SASH1: variants seen among roughly 807,000 people sequenced by gnomAD.
SASH1 encodes SAM and SH3 domain containing 1.
A neutral mutation model predicts 125.2 loss-of-function variants in SASH1; 44 were observed. That is an observed-to-expected ratio of 0.35 (90% CI 0.28 to 0.45). The LOEUF (loss-of-function observed/expected upper bound fraction) is 0.45, where lower values mean the gene tolerates loss of function less well. Among genes scored for constraint, SASH1 ranks in the 20% least tolerant of loss-of-function variants. SASH1 has a pLI of 1.00. For synonymous variants in SASH1, 639 were observed against 649.1 expected, an observed-to-expected ratio of 0.98 and a Z score of 0.24; for missense variants, 1,426 against 1,614.5, an observed-to-expected ratio of 0.88 and a Z score of 2.00.
intron 8 of SASH1, chr6:148,513,963 C>G: frequency 1.0e-6 from 1 of 1,000,250 alleles, no homozygotes; most frequent in Non-Finnish European, 1.2e-6. Flanking sequence ...AGAGCCTGGC[C>G]CAAACCACAG....
chr6:148,418,717 A>G lies in SASH1; in HGVS notation c.286-21467A>G, dbSNP rs184922796. On this transcript the variant is annotated intron_variant, in intron 2 of 19. Transcript: ENST00000367467. ...AACCGATAGCCTGTGCCCAGGGTAC[A>G]CTGAAGTCTGAGTACAGATAGCGTG... 1.0e-3 allele frequency among the ~76,000 whole-genome samples: 154 copies of G among 152,348 alleles called. 2 individuals carry two copies. Among genetic ancestry groups the G allele is most frequent in the Non-Finnish European group, 2.9e-5 (2 of 68,036 alleles).
chr6:148,378,509 C>A (rs1286958308), intron 1 of SASH1, among the ~76,000 whole-genome samples: 1 of 152,190 alleles, frequency 6.6e-6, no homozygotes, highest in East Asian at 1.9e-4. Flanking sequence ...CGTGTGCCAT[C>A]ATGCCCCGCT....
At chr6:148,467,218 TC>T (rs1777884440) in intron 4 of SASH1, among the ~76,000 whole-genome samples, 1 of 149,096 alleles carries the variant, frequency 6.7e-6, no homozygotes, top group African/African-American at 2.5e-5. Flanking sequence ...TGCCTCAGCC[TC>T]CCGAGTAGCT....
At chr6:148,274,451 G>A (rs1562300636) in intron 1 of SASH1, among the ~76,000 whole-genome samples, 2 of 152,170 alleles carry the variant, frequency 1.3e-5, no homozygotes, top group Non-Finnish European at 2.9e-5. Context: ...GCCAAAATTT[G>A]ACTGCAAACT....
chr6:148,438,572 T>C (rs1776393095), intron 2 of SASH1, among the ~76,000 whole-genome samples: 1 of 152,072 alleles, frequency 6.6e-6, no homozygotes, highest in Non-Finnish European at 1.5e-5. Flanking sequence ...GTGATAACTG[T>C]TTATAACAAG....
chr6:148,527,746 C>T (rs1482267858), intron 12 of SASH1, 150 bp downstream of exon 12: 6 of 752,772 alleles, frequency 8.0e-6, no homozygotes, highest in Admixed American at 6.0e-5. Context: ...TAGAGAAACA[C>T]TGAATTCAAC....
chr6:148,263,217 C>G, the SASH1 span, among the ~76,000 whole-genome samples: 1 of 152,124 alleles, frequency 6.6e-6, no homozygotes, highest in Non-Finnish European at 1.5e-5. Context: ...GAAGCCTTCC[C>G]CGAAGAAGCA....
intron 1 of SASH1, among the ~76,000 whole-genome samples, chr6:148,368,768 G>GCACACACACACACA (rs1554245318): frequency 1.1e-4 from 8 of 70,482 alleles, no homozygotes; most frequent in Non-Finnish European, 1.4e-4. Context: ...GCGCACGCGC[G>GCACACACACACACA]CGCACACACA....
At chr6:148,476,624 A>G (rs916261097) in intron 7 of SASH1, among the ~76,000 whole-genome samples, 1 of 152,170 alleles carries the variant, frequency 6.6e-6, no homozygotes, top group Non-Finnish European at 1.5e-5. Context: ...AGGTCGCAGT[A>G]AGCCAAGATC....
chr6:148,248,411 A>G, the SASH1 span, among the ~76,000 whole-genome samples: 1 of 152,240 alleles, frequency 6.6e-6, no homozygotes, highest in Non-Finnish European at 1.5e-5. Context: ...TGAACAACAA[A>G]CAGCAAACAC....
intron 2 of SASH1, among the ~76,000 whole-genome samples, chr6:148,420,816 C>G (rs1198319504): frequency 3.3e-5 from 5 of 152,078 alleles, no homozygotes; most frequent in African/African-American, 9.7e-5. Flanking sequence ...CACAGTGGCT[C>G]ACACCTGTAA....
At chr6:148,449,393 T>C (rs1300295705) in intron 4 of SASH1, among the ~76,000 whole-genome samples, 1 of 150,004 alleles carries the variant, frequency 6.7e-6, no homozygotes, top group Non-Finnish European at 1.5e-5. Flanking sequence ...TTCTTTCTTT[T>C]TTTTTTTTTC....
At chr6:148,246,369 G>A in the SASH1 span, among the ~76,000 whole-genome samples, 1 of 152,138 alleles carries the variant, frequency 6.6e-6, no homozygotes, top group African/African-American at 2.4e-5. Flanking sequence ...AAGGTAGTGG[G>A]GTAATGTTTA....
intron 1 of SASH1, among the ~76,000 whole-genome samples, chr6:148,369,004 C>CA (rs1158831455): frequency 6.6e-6 from 1 of 152,202 alleles, no homozygotes; most frequent in Non-Finnish European, 1.5e-5. Flanking sequence ...ACTTGTGGAG[C>CA]TTTTAGTAAA....
At chr6:148,387,564 T>TC in intron 1 of SASH1, among the ~76,000 whole-genome samples, 1 of 142,394 alleles carries the variant, frequency 7.0e-6, no homozygotes, top group East Asian at 2.2e-4. Flanking sequence ...TTTCTTTCTT[T>TC]TCTCTTTCTT....
chr6:148,360,642 C>CA (rs957475138), intron 1 of SASH1, among the ~76,000 whole-genome samples: 2 of 128,796 alleles, frequency 1.6e-5, no homozygotes, highest in Non-Finnish European at 3.5e-5. Flanking sequence ...AGCCACCCCC[C>CA]CGCCAGGCTT....
At chr6:148,312,143 G>A (rs1294500655) in intron 1 of SASH1, among the ~76,000 whole-genome samples, 2 of 152,242 alleles carry the variant, frequency 1.3e-5, no homozygotes, top group South Asian at 2.1e-4. Flanking sequence ...GGTGGTCGGG[G>A]GACGAGTTGA....
chr6:148,391,940 G>A lies in SASH1; in HGVS notation c.285+1678G>A, dbSNP rs75807163. Among the ~76,000 whole-genome samples, 550 of 152,230 alleles carry A rather than the reference G, an allele frequency of 3.6e-3. 4 individuals carry two copies. Among genetic ancestry groups the A allele is most frequent in the Non-Finnish European group, 6.6e-3 (451 of 68,026 alleles). ...CTTTTGAGCCATCTCATATAGTGGG[G>A]GCTGCATGGATATGTTTTAAGTAAC... On this transcript the variant is annotated intron_variant, in intron 2 of 19. Transcript: ENST00000367467.
At position 148,544,501 on chromosome 6, in the gene SASH1, C is replaced by T. The variant is rs764514568; in HGVS notation, c.3031C>T (p.Leu1011Phe). 1.9e-6 allele frequency: 3 copies of T among 1,613,874 alleles called. No homozygotes were observed. The highest frequency in any genetic ancestry group is 4.5e-5 in the East Asian group (2 of 44,868). Residue 1011 changes from leucine to phenylalanine, a missense_variant, in exon 18 of 20, where the codon CTC becomes TTC. Leu to Phe is a conservative substitution (Grantham distance 22, BLOSUM62 0). Transcript: ENST00000367467. The surrounding 1 kb of genome is among the most constrained non-coding windows in gnomAD (Gnocchi z 6.4). The stretch of plus-strand genomic sequence containing the variant: ...TGTTCCCATGGGCCCCAGTGGGGCC[C>T]TCCCCAGTCCCGATGCGCCATGCCT... ...HPVPMGPSGA[L>F]PSPDAPCLPV...
Sources: allele counts gnomAD v4.1 joint callset (sites outside exome capture counted in the v4.1 genomes callset), GRCh38; gene constraint gnomAD v4.1.1; non-coding constraint Gnocchi (gnomAD v3.1); transcripts MANE v1.5; gene names NCBI Gene and HGNC (gene_info 2026-07-23, HGNC 2026-07-21).